The following FBXL7 variants were observed in gnomAD, a reference collection of about 807,000 sequenced individuals.
FBXL7 encodes the protein F-box and leucine rich repeat protein 7.
In FBXL7, 12 loss-of-function variants were observed where a neutral mutation model predicts 38.3. The observed-to-expected ratio is 0.31, with a 90% confidence interval of 0.20 to 0.51. FBXL7 has a LOEUF of 0.51. Ranked by LOEUF, FBXL7 falls within the 20% of genes least tolerant of loss-of-function variation. FBXL7 has a pLI of 0.98. For missense variants in FBXL7, 567 were observed against 676.4 expected, an observed-to-expected ratio of 0.84 and a Z score of 1.79; for synonymous variants, 297 against 300.9, an observed-to-expected ratio of 0.99 and a Z score of 0.13.
intron 2 of FBXL7, among the ~76,000 whole-genome samples, chr5:15,655,484 ACT>A (rs752708974): frequency 6.9e-6 from 1 of 144,772 alleles, no homozygotes; most frequent in Non-Finnish European, 1.5e-5. Context: ...ACACGGTAAG[ACT>A]CTGTCTCAAA....
At chr5:15,740,262 T>C (rs1735860362) in intron 2 of FBXL7, among the ~76,000 whole-genome samples, 1 of 152,160 alleles carries the variant, frequency 6.6e-6, no homozygotes, top group South Asian at 2.1e-4. Flanking sequence ...GAACCTTCCA[T>C]TTCTGAGATG....
intron 2 of FBXL7, among the ~76,000 whole-genome samples, chr5:15,762,705 G>C (rs1561116651): frequency 1.3e-5 from 2 of 152,178 alleles, no homozygotes; most frequent in Admixed American, 6.5e-5. Context: ...ACTGCTGAGA[G>C]AATGAAATAT....
intron 2 of FBXL7, among the ~76,000 whole-genome samples, chr5:15,643,556 T>TGTGG (rs1561066289): frequency 1.3e-5 from 2 of 152,124 alleles, no homozygotes; most frequent in African/African-American, 4.8e-5. Flanking sequence ...GGGTTGGAAA[T>TGTGG]GTGGGTGGAT....
chr5:15,501,462 A>T, intron 1 of FBXL7: 1 of 985,530 alleles, frequency 1.0e-6, no homozygotes, highest in Non-Finnish European at 1.2e-6. Flanking sequence ...TTGTATCCCA[A>T]TTAGCAGCTA....
At chr5:15,817,217 G>T (rs1167888282) in intron 2 of FBXL7, among the ~76,000 whole-genome samples, 1 of 152,134 alleles carries the variant, frequency 6.6e-6, no homozygotes, top group African/African-American at 2.4e-5. Context: ...AGATGGACAG[G>T]TCCCAAGAAG....
At chr5:15,878,242 C>T (rs769865289) in intron 2 of FBXL7, among the ~76,000 whole-genome samples, 7 of 152,196 alleles carry the variant, frequency 4.6e-5, no homozygotes, top group Non-Finnish European at 1.0e-4. Flanking sequence ...ACTGAAGTTA[C>T]TTCTACAGTA....
chr5:15,927,796 AAG>A (rs70938037), intron 2 of FBXL7, 92 bp from the exon 3 acceptor site: 3 of 825,110 alleles, frequency 3.6e-6, no homozygotes, highest in Non-Finnish European at 4.9e-6. Context: ...AAGAAGAAGA[AAG>A]AAAAGAAAAG....
intron 2 of FBXL7, among the ~76,000 whole-genome samples, chr5:15,816,602 A>G (rs371914723): frequency 6.6e-6 from 1 of 152,222 alleles, no homozygotes; most frequent in Admixed American, 6.5e-5. Flanking sequence ...CCACTATACA[A>G]TTCATCCATA....
chr5:15,897,680 A>G (rs1019028310), intron 2 of FBXL7, among the ~76,000 whole-genome samples: 2 of 152,202 alleles, frequency 1.3e-5, no homozygotes, highest in Non-Finnish European at 2.9e-5. Context: ...GAAATAGGGA[A>G]TAGTCTAGTT....
chr5:15,708,919 C>A (rs556793994), intron 2 of FBXL7, among the ~76,000 whole-genome samples: 1 of 152,250 alleles, frequency 6.6e-6, no homozygotes, highest in Admixed American at 6.5e-5. Flanking sequence ...GGGTTTTTGG[C>A]AAGGGATAAA....
At chr5:15,682,865 A>C (rs1742891821) in intron 2 of FBXL7, among the ~76,000 whole-genome samples, 1 of 152,204 alleles carries the variant, frequency 6.6e-6, no homozygotes, top group African/African-American at 2.4e-5. Context: ...TGCTGGAAAA[A>C]TACTTTATTG....
chr5:15,581,337 G>C (rs1483009258), intron 1 of FBXL7, among the ~76,000 whole-genome samples: 1 of 151,948 alleles, frequency 6.6e-6, no homozygotes, highest in African/African-American at 2.4e-5. Context: ...ATAACCACTG[G>C]CTGATGCCCA....
At chr5:15,592,271 T>C (rs1739502253) in intron 1 of FBXL7, among the ~76,000 whole-genome samples, 1 of 152,118 alleles carries the variant, frequency 6.6e-6, no homozygotes. Context: ...ACAAACTTGA[T>C]AGGTCATCTG....
chr5:15,608,564 G>A (rs1162997705), intron 1 of FBXL7, among the ~76,000 whole-genome samples: 4 of 152,128 alleles, frequency 2.6e-5, no homozygotes, highest in African/African-American at 9.7e-5. Flanking sequence ...TATTTTGTTA[G>A]GTGGTGAACA....
At chr5:15,823,363 A>C (rs1038910900) in intron 2 of FBXL7, among the ~76,000 whole-genome samples, 9 of 152,220 alleles carry the variant, frequency 5.9e-5, no homozygotes, top group African/African-American at 2.2e-4. Context: ...TGAGCTCATC[A>C]CAGTCATTAT....
intron 2 of FBXL7, among the ~76,000 whole-genome samples, chr5:15,717,814 A>G (rs1438684859): frequency 6.6e-6 from 1 of 152,198 alleles, no homozygotes; most frequent in Non-Finnish European, 1.5e-5. Context: ...CATGAAAGAT[A>G]GAAGAGCCCG....
intron 2 of FBXL7, among the ~76,000 whole-genome samples, chr5:15,764,892 A>G (rs894276391): frequency 6.6e-6 from 1 of 152,270 alleles, no homozygotes; most frequent in African/African-American, 2.4e-5. Flanking sequence ...TAAATATTTT[A>G]GTCTTTGGAA....
intron 1 of FBXL7, among the ~76,000 whole-genome samples, chr5:15,611,820 T>TA (rs780092100): frequency 0.016 from 2,234 of 138,582 alleles, 41 homozygotes; most frequent in African/African-American, 0.05. Flanking sequence ...TCATCTCTAT[T>TA]AAAAAAAAAA....
chr5:15,722,916 C>A (rs552283207), intron 2 of FBXL7, among the ~76,000 whole-genome samples: 2 of 49,128 alleles, frequency 4.1e-5, no homozygotes, highest in South Asian at 6.9e-4. Context: ...AGCAAGACTC[C>A]GTCTCAAAAA....
Sources: allele counts gnomAD v4.1 joint callset (sites outside exome capture counted in the v4.1 genomes callset), GRCh38; gene constraint gnomAD v4.1.1; transcripts MANE v1.5; gene names NCBI Gene and HGNC (gene_info 2026-07-23, HGNC 2026-07-21).